The following TFCP2 variants were observed in gnomAD, a reference collection of about 807,000 sequenced individuals.
TFCP2 encodes transcription factor CP2, also known as alpha-globin transcription factor CP2.
Under a neutral mutation model 73.4 loss-of-function variants are expected in TFCP2, and 33 were observed. The observed-to-expected ratio is 0.45, with a 90% CI of 0.34 to 0.60. The LOEUF is 0.60. Ranked by LOEUF, TFCP2 falls within the 20% of genes least tolerant of loss-of-function variation. The pLI is 0.01. For missense variants in TFCP2, 352 were observed against 604.0 expected, an observed-to-expected ratio of 0.58 and a Z score of 4.37; for synonymous variants, 193 against 211.6, an observed-to-expected ratio of 0.91 and a Z score of 0.76.
intron 13 of TFCP2, among the ~76,000 whole-genome samples, chr12:51,097,833 T>A (rs915376095): frequency 1.3e-5 from 2 of 151,166 alleles, no homozygotes; most frequent in African/African-American, 4.9e-5. Flanking sequence ...ACTGGCCACA[T>A]GGTGAAACCC....
chr12:51,101,999 C>T lies in TFCP2; in HGVS notation c.1087G>A (p.Asp363Asn), dbSNP rs750531479. ...GGGCCACAGATTTGGATCACATCAT[C>T]TCTAGTTAATTTCAATAAATCTGCC... is the stretch of plus-strand genomic sequence containing the variant. ...SGADLLKLTR[D>N]DVIQICGPAD... The change falls in exon 11 of 15, where the codon GAT becomes AAT. Residue 363 changes from aspartate to asparagine, a missense_variant. Physicochemically the swap from Asp to Asn is conservative, Grantham distance 23 (BLOSUM62 1). Around this residue, in one of 6 missense-constraint regions of TFCP2, gnomAD observed 194 missense variants for 256.3 expected, o/e 0.76. Transcript: ENST00000257915. 1.2e-6 allele frequency: 2 copies of T among 1,612,848 alleles called. No individual in the cohort carries two copies. Among genetic ancestry groups the T allele is most frequent in the Non-Finnish European group, 1.7e-6 (2 of 1,179,096 alleles).
chr12:51,131,173 A>G (rs1416587517), intron 1 of TFCP2, among the ~76,000 whole-genome samples: 1 of 151,284 alleles, frequency 6.6e-6, no homozygotes, highest in Non-Finnish European at 1.5e-5. Flanking sequence ...ACTAAAAAAA[A>G]AAAAACAAAA....
intron 1 of TFCP2, among the ~76,000 whole-genome samples, chr12:51,147,854 A>T (rs1204865019): frequency 6.6e-6 from 1 of 152,180 alleles, no homozygotes; most frequent in Non-Finnish European, 1.5e-5. Flanking sequence ...GTAAAGAGAC[A>T]ACCCACAGAG....
intron 1 of TFCP2, among the ~76,000 whole-genome samples, chr12:51,126,548 T>G (rs1293259241): frequency 2.0e-5 from 3 of 152,118 alleles, no homozygotes; most frequent in African/African-American, 7.2e-5. Flanking sequence ...CTACCAGCTG[T>G]TCGAGATGCT....
intron 1 of TFCP2, among the ~76,000 whole-genome samples, chr12:51,157,482 A>G (rs916845067): frequency 5.3e-5 from 8 of 150,976 alleles, no homozygotes; most frequent in Non-Finnish European, 1.2e-4. Context: ...TTTTGTATAG[A>G]CAGGGTCTCA....
intron 1 of TFCP2, among the ~76,000 whole-genome samples, chr12:51,135,225 G>A (rs1333762065): frequency 1.3e-5 from 2 of 151,758 alleles, no homozygotes; most frequent in African/African-American, 2.4e-5. Context: ...CCAGGAGTTC[G>A]AGACCAGCCT....
intron 1 of TFCP2, among the ~76,000 whole-genome samples, chr12:51,166,391 C>A (rs541087364): frequency 6.6e-6 from 1 of 151,664 alleles, no homozygotes; most frequent in Non-Finnish European, 1.5e-5. Flanking sequence ...TAGCATGACC[C>A]TGCCTCAAAA....
At chr12:51,130,246 TG>T (rs1355036082) in intron 1 of TFCP2, among the ~76,000 whole-genome samples, 1 of 151,910 alleles carries the variant, frequency 6.6e-6, no homozygotes, top group African/African-American at 2.4e-5. Flanking sequence ...ACGAGGTGGG[TG>T]GATCACCTGA....
At chr12:51,166,446 G>A (rs1345757327) in intron 1 of TFCP2, among the ~76,000 whole-genome samples, 1 of 152,032 alleles carries the variant, frequency 6.6e-6, no homozygotes, top group African/African-American at 2.4e-5. Flanking sequence ...CTGACTGTGG[G>A]TCACTATATT....
intron 1 of TFCP2, among the ~76,000 whole-genome samples, chr12:51,165,863 T>C (rs2137049487): frequency 6.6e-6 from 1 of 152,254 alleles, no homozygotes; most frequent in East Asian, 1.9e-4. Context: ...TATGAAAAAC[T>C]CTGAGTAGGG....
chr12:51,146,655 G>A (rs1041876945), intron 1 of TFCP2, among the ~76,000 whole-genome samples: 1 of 152,106 alleles, frequency 6.6e-6, no homozygotes, highest in Admixed American at 6.6e-5. Context: ...CAATTCCATT[G>A]CTCCTATAAT....
intron 1 of TFCP2, 62 bp from the exon 2 acceptor site, chr12:51,118,834 T>G: frequency 6.4e-7 from 1 of 1,552,742 alleles, no homozygotes; most frequent in Non-Finnish European, 8.8e-7. Flanking sequence ...GGTTTATTGC[T>G]GAATGATTTA....
chr12:51,170,742 C>A (rs373666544), intron 1 of TFCP2, among the ~76,000 whole-genome samples: 2 of 151,536 alleles, frequency 1.3e-5, no homozygotes, highest in Non-Finnish European at 2.9e-5. Context: ...TGCAATGATG[C>A]GATCTCTGCT....
chr12:51,109,304 A>G, intron 5 of TFCP2, 31 bp from the exon 6 acceptor site: 1 of 1,609,100 alleles, frequency 6.2e-7, no homozygotes, highest in Non-Finnish European at 8.5e-7. Context: ...AGGCTTCAGT[A>G]CCGCTAGCTA....
intron 9 of TFCP2, 78 bp from the exon 10 acceptor site, chr12:51,103,841 C>T (rs1008797754): frequency 1.8e-6 from 2 of 1,083,940 alleles, no homozygotes; most frequent in East Asian, 2.4e-5. Flanking sequence ...AGCCAAACAC[C>T]CCACACAACC....
chr12:51,154,224 C>T (rs982639219), intron 1 of TFCP2, among the ~76,000 whole-genome samples: 1 of 152,170 alleles, frequency 6.6e-6, no homozygotes, highest in South Asian at 2.1e-4. Context: ...TCATCCTTAT[C>T]TGATGGGGGG....
intron 3 of TFCP2, among the ~76,000 whole-genome samples, chr12:51,117,462 C>T (rs1183308370): frequency 2.6e-5 from 4 of 152,310 alleles, no homozygotes; most frequent in African/African-American, 7.2e-5. Flanking sequence ...TCTATTTCTG[C>T]AGCTCTGAAA....
chr12:51,143,389 TG>T (rs1291503883), intron 1 of TFCP2, among the ~76,000 whole-genome samples: 20 of 149,478 alleles, frequency 1.3e-4, no homozygotes, highest in African/African-American at 4.2e-4. Flanking sequence ...CATCCTAGAT[TG>T]ATCCTTTCCC....
At chr12:51,098,582 G>GCCACT (rs1365453385) in intron 13 of TFCP2, among the ~76,000 whole-genome samples, 194 bp downstream of exon 13, 2 of 151,722 alleles carry the variant, frequency 1.3e-5, no homozygotes, top group Non-Finnish European at 2.9e-5. Flanking sequence ...CCTGAGATTG[G>GCCACT]GCCACTGCAC....
Sources: gnomAD v4.1 joint callset for allele counts (sites outside exome capture counted in the v4.1 genomes callset) on GRCh38, gnomAD v4.1.1 for gene constraint, gnomAD v4.1.1 regional missense constraint, MANE v1.5 for transcripts, NCBI Gene and HGNC (gene_info 2026-07-23, HGNC 2026-07-21) for gene names.